The following KLF3 variants were observed in gnomAD, a reference collection of about 807,000 sequenced individuals.
KLF3 encodes the protein KLF transcription factor 3, also known as Krueppel-like factor 3.
Under a neutral mutation model 32.7 loss-of-function variants are expected in KLF3, and 6 were observed. The ratio of observed to expected loss-of-function variants is 0.18; its 90% CI spans 0.10 to 0.36. The LOEUF (loss-of-function observed/expected upper bound fraction) is 0.36. Ranked by LOEUF, KLF3 falls within the 10% of genes least tolerant of loss-of-function variation. The pLI is 1.00. For synonymous variants in KLF3, 145 were observed against 172.8 expected (o/e 0.84, Z 1.26); for missense variants, 338 against 449.7 (o/e 0.75, Z 2.25).
At chr4:38,679,557 T>C (rs182759477) in intron 1 of KLF3, among the ~76,000 whole-genome samples, 30 of 152,280 alleles carry the variant, frequency 2.0e-4, no homozygotes, top group Non-Finnish European at 2.1e-4. Context: ...AAATTAATGG[T>C]GTGCAGGAGG....
At chr4:38,692,035 T>C (rs1722891046) in intron 4 of KLF3, among the ~76,000 whole-genome samples, 1 of 152,248 alleles carries the variant, frequency 6.6e-6, no homozygotes, top group African/African-American at 2.4e-5. Context: ...CAAAGGTACA[T>C]CAAATTCTAT....
At chr4:38,687,032 T>C (rs183321049) in intron 2 of KLF3, among the ~76,000 whole-genome samples, 3 of 152,142 alleles carry the variant, frequency 2.0e-5, no homozygotes, top group Non-Finnish European at 1.5e-5. Flanking sequence ...TAACTCACAA[T>C]AGTGGCCACC....
At chr4:38,679,909 G>A (rs560546166) in intron 1 of KLF3, among the ~76,000 whole-genome samples, 5 of 152,166 alleles carry the variant, frequency 3.3e-5, no homozygotes, top group South Asian at 4.2e-4. Context: ...GACCAACATC[G>A]GGGAAAAGGG....
chr4:38,685,848 A>G (rs1722677393), intron 2 of KLF3, among the ~76,000 whole-genome samples: 1 of 152,186 alleles, frequency 6.6e-6, no homozygotes. Flanking sequence ...TCCTTCCTAT[A>G]TTTAATTACT....
In KLF3 at chr4:38,688,921, T is replaced by G. The variant is rs1447795767; in HGVS notation, c.394T>G (p.Ser132Ala). ...GCCACCAGTGATGGCAGCTGCCCTC[T>G]CGCGGCATGGAATACGGAGCCCGGG... ...SMPPVMAAAL[S>A]RHGIRSPGIL... The change falls in exon 3 of 6, where the codon TCG (serine) becomes GCG (alanine). Residue 132 changes from serine (S) to alanine (A), a missense_variant. Transcript: ENST00000261438. This position sits in a 1 kb window ranked among gnomAD's most constrained non-coding sequence, Gnocchi z 4.9. 3 of 1,614,170 alleles carry G rather than the reference T, an allele frequency of 1.9e-6. No homozygotes were observed. Among genetic ancestry groups the G allele is most frequent in the Non-Finnish European group, 2.5e-6 (3 of 1,180,024 alleles).
intron 1 of KLF3, among the ~76,000 whole-genome samples, chr4:38,678,207 G>T (rs887736414): frequency 7.2e-5 from 11 of 152,116 alleles, no homozygotes; most frequent in African/African-American, 2.4e-4. Context: ...GTGAGTCAGG[G>T]CTGCTAAATG....
intron 1 of KLF3, among the ~76,000 whole-genome samples, chr4:38,669,956 G>A (rs1301302118): frequency 3.3e-5 from 1 of 30,086 alleles, no homozygotes; most frequent in Non-Finnish European, 5.7e-5. Flanking sequence ...TCCTTATTCT[G>A]TAATGAATGT....
rs771094199 is a variant in KLF3 at position 38,689,021 on chromosome 4, T to G, written c.494T>G (p.Leu165Arg). 2 of 1,614,198 alleles carry G rather than the reference T, an allele frequency of 1.2e-6. No individual in the cohort carries two copies. The highest frequency in any genetic ancestry group is 2.2e-5 in the South Asian group (2 of 91,082). ...FMYTSHLQQP[L>R]MVSLSEEMEN... ...TACACAAGTCACCTCCAGCAGCCTC[T>G]CATGGTCTCCTTATCGGAGGAGATG... is the stretch of plus-strand genomic sequence containing the variant. The change falls in exon 3 of 6, where the codon CTC becomes CGC. Residue 165 changes from leucine (L) to arginine (R), a missense_variant. Leu to Arg is a moderately radical substitution (Grantham distance 102, BLOSUM62 -2). This residue lies in a region of KLF3 where 272 missense variants were observed against 313.4 expected (regional missense o/e 0.87). Coordinates refer to ENST00000261438, the MANE Select transcript of KLF3 (RefSeq NM_016531.6).
intron 1 of KLF3, among the ~76,000 whole-genome samples, chr4:38,672,386 G>A (rs1162867253): frequency 6.6e-6 from 1 of 152,176 alleles, no homozygotes; most frequent in Non-Finnish European, 1.5e-5. Context: ...ACGCACCACT[G>A]GGAAAGCTAA....
At position 38,680,838 on chromosome 4, in the gene KLF3, G is replaced by A. The variant is rs1722500729; in HGVS notation, c.57+156G>A. 17 of 545,018 alleles carry A rather than the reference G, an allele frequency of 3.1e-5. 1 individual carries two copies. Among genetic ancestry groups the A allele is most frequent in the South Asian group, 3.0e-4 (17 of 56,032 alleles). 33.8% of individuals were successfully genotyped at this position (545,018 alleles called of 1,614,324 possible). A position where few individuals can be genotyped will look rare whatever the true frequency, so the allele number is the denominator to read the frequency against. On this transcript the variant is annotated intron_variant, in intron 2 of 5. Coordinates refer to ENST00000261438, the MANE Select transcript of KLF3 (RefSeq NM_016531.6). The stretch of plus-strand genomic sequence containing the variant: ...GACCGAGGCGGGAGGATCACCTGAG[G>A]TCGGGAGTTTGAGACCAGCCTGACC...
Position 38,671,115 on chromosome 4 carries a change from A to G in KLF3, c.-40+6654A>G, listed in dbSNP as rs1033560889. On this transcript the variant is annotated intron_variant, in intron 1 of 5. Coordinates refer to ENST00000261438, the MANE Select transcript of KLF3 (RefSeq NM_016531.6). This position sits in a 1 kb window ranked among gnomAD's most constrained non-coding sequence, Gnocchi z 4.4. Reference sequence around the variant, plus strand: ...TACCTAAAAGTCGGTCCCACAGCACAGGCTCTGAAGCAGAACAGAAAGTGC... The same window carrying G: ...TACCTAAAAGTCGGTCCCACAGCACGGGCTCTGAAGCAGAACAGAAAGTGC... Among the ~76,000 whole-genome samples, 2 of 152,232 alleles carry G rather than the reference A, an allele frequency of 1.3e-5. No individual in the cohort carries two copies. The highest frequency in any genetic ancestry group is 2.4e-5 in the African/African-American group (1 of 41,454).
intron 2 of KLF3, among the ~76,000 whole-genome samples, chr4:38,683,170 C>A (rs1270071429): frequency 6.6e-6 from 1 of 152,116 alleles, no homozygotes; most frequent in East Asian, 1.9e-4. Context: ...AGGTAAAAGT[C>A]TTTCGCTATT....
intron 4 of KLF3, 57 bp from the exon 5 acceptor site, chr4:38,694,689 T>G (rs1435960257): frequency 2.9e-5 from 42 of 1,432,384 alleles, no homozygotes; most frequent in Non-Finnish European, 3.5e-5. Flanking sequence ...TTTAGTAGAC[T>G]GATGAAAAAG....
chr4:38,685,670 T>C (rs1560417571), intron 2 of KLF3, among the ~76,000 whole-genome samples: 1 of 152,210 alleles, frequency 6.6e-6, no homozygotes, highest in African/African-American at 2.4e-5. Flanking sequence ...ATCTAGGTCA[T>C]AGGGAGGTCT....
chr4:38,687,804 C>T (rs1454982568), intron 2 of KLF3, among the ~76,000 whole-genome samples: 4 of 152,164 alleles, frequency 2.6e-5, no homozygotes, highest in African/African-American at 9.7e-5. Flanking sequence ...AAGTTAGGGC[C>T]AGGGACATCA....
At chr4:38,694,569 T>C (rs1251229834) in intron 4 of KLF3, among the ~76,000 whole-genome samples, 177 bp from the exon 5 acceptor site, 2 of 152,228 alleles carry the variant, frequency 1.3e-5, no homozygotes, top group Non-Finnish European at 2.9e-5. Context: ...GCTCACTCAA[T>C]GTTTGTTGAA....
At chr4:38,693,092 GTATA>G (rs35207230) in intron 4 of KLF3, among the ~76,000 whole-genome samples, 5 of 108,218 alleles carry the variant, frequency 4.6e-5, no homozygotes, top group East Asian at 4.9e-4. Context: ...ATATATACAC[GTATA>G]TATATATGTA....
chr4:38,666,378 CTTTT>C (rs1159253350), intron 1 of KLF3, among the ~76,000 whole-genome samples: 1 of 149,966 alleles, frequency 6.7e-6, no homozygotes, highest in African/African-American at 2.5e-5. Flanking sequence ...TCTTTTTTTC[CTTTT>C]TTTTTCTTTT....
chr4:38,689,986 A>C, intron 4 of KLF3, 107 bp downstream of exon 4: 5 of 1,148,010 alleles, frequency 4.4e-6, no homozygotes, highest in South Asian at 1.6e-5. Context: ...ATGACCAGGA[A>C]CGGCTTGTGA....
Sources: allele counts gnomAD v4.1 joint callset (sites outside exome capture counted in the v4.1 genomes callset), GRCh38; gene constraint gnomAD v4.1.1; regional missense constraint gnomAD v4.1.1; non-coding constraint Gnocchi (gnomAD v3.1); transcripts MANE v1.5; gene names NCBI Gene and HGNC (gene_info 2026-07-23, HGNC 2026-07-21).